The following C8orf34 variants were observed in gnomAD, a reference collection of about 807,000 sequenced individuals.
C8orf34 encodes the protein uncharacterized protein C8orf34.
A neutral mutation model predicts 68.3 loss-of-function variants in C8orf34; 65 were observed. The observed-to-expected ratio is 0.95, with a 90% CI of 0.78 to 1.17. C8orf34 has a LOEUF of 1.17. Ranked by LOEUF, C8orf34 falls within the 50% of genes most tolerant of loss-of-function variation. The pLI is 0.00. For synonymous variants in C8orf34, 244 were observed against 241.2 expected, an observed-to-expected ratio of 1.01 and a Z score of -0.11; for missense variants, 664 against 655.4, an observed-to-expected ratio of 1.01 and a Z score of -0.14.
At chr8:68,701,540 C>T (rs991995683) in intron 8 of C8orf34, among the ~76,000 whole-genome samples, 4 of 151,876 alleles carry the variant, frequency 2.6e-5, no homozygotes, top group South Asian at 2.1e-4. Flanking sequence ...CTTTCACCCC[C>T]GAAGTCTAAT....
intron 8 of C8orf34, among the ~76,000 whole-genome samples, chr8:68,653,758 T>C (rs1819431506): frequency 6.6e-6 from 1 of 152,048 alleles, no homozygotes; most frequent in Non-Finnish European, 1.5e-5. Context: ...CACCTCGAAA[T>C]AGCATCACAT....
At chr8:68,462,997 C>G (rs879718874) in intron 3 of C8orf34, among the ~76,000 whole-genome samples, 6 of 151,980 alleles carry the variant, frequency 3.9e-5, no homozygotes, top group African/African-American at 2.4e-5. Context: ...ATTAATGAAT[C>G]CAGGAGCTGG....
intron 7 of C8orf34, among the ~76,000 whole-genome samples, chr8:68,600,235 G>A (rs371359467): frequency 6.6e-5 from 10 of 152,164 alleles, no homozygotes; most frequent in African/African-American, 2.4e-4. Context: ...GTCAAGTGTA[G>A]AAATTGTACT....
At chr8:68,436,446 A>G (rs117321840) in intron 1 of C8orf34, among the ~76,000 whole-genome samples, 2,028 of 152,236 alleles carry the variant, frequency 0.013, 26 homozygotes, top group Non-Finnish European at 0.019. Context: ...TAACACCTAC[A>G]TTTTATCAAT....
chr8:68,653,584 T>C (rs1819426495), intron 8 of C8orf34, among the ~76,000 whole-genome samples: 1 of 152,188 alleles, frequency 6.6e-6, no homozygotes, highest in Non-Finnish European at 1.5e-5. Context: ...GGTGCCAGCA[T>C]GGCTCTGGTG....
intron 10 of C8orf34, among the ~76,000 whole-genome samples, chr8:68,764,760 T>A (rs189896556): frequency 3.1e-3 from 471 of 152,244 alleles, no homozygotes; most frequent in Non-Finnish European, 5.3e-3. Flanking sequence ...TGGAGATGAA[T>A]AGATAGTCGG....
At chr8:68,745,753 C>T (rs1563644374) in intron 10 of C8orf34, among the ~76,000 whole-genome samples, 1 of 152,074 alleles carries the variant, frequency 6.6e-6, no homozygotes, top group Non-Finnish European at 1.5e-5. Flanking sequence ...GAGTGACCTA[C>T]AAAGAGACTT....
intron 5 of C8orf34, among the ~76,000 whole-genome samples, chr8:68,513,252 T>G (rs2129633490): frequency 6.6e-6 from 1 of 152,370 alleles, no homozygotes; most frequent in African/African-American, 2.4e-5. Flanking sequence ...TCCAAGCACT[T>G]GTCTTTCTTT....
rs76688835 is a variant in C8orf34 at position 68,758,799 on chromosome 8, G to C, written c.1405-17600G>C. ...TTATAGGCATATCCATTTAAATAGT[G>C]TATTATATCTAATAAGTAGACTTCC... On this transcript the variant is annotated intron_variant, in intron 10 of 13. Transcript: ENST00000518698. Among the ~76,000 whole-genome samples, 285 of 151,744 alleles carry C rather than the reference G, an allele frequency of 1.9e-3. 5 individuals carry two copies. The highest frequency in any genetic ancestry group is 6.7e-3 in the African/African-American group (278 of 41,436).
intron 12 of C8orf34, among the ~76,000 whole-genome samples, chr8:68,788,568 A>G (rs1054500052): frequency 5.3e-5 from 8 of 152,278 alleles, no homozygotes; most frequent in African/African-American, 1.7e-4. Flanking sequence ...TTCTATAGAA[A>G]ACAACTGATA....
At chr8:68,369,480 C>T (rs147378589) in intron 1 of C8orf34, among the ~76,000 whole-genome samples, 1 of 152,208 alleles carries the variant, frequency 6.6e-6, no homozygotes, top group East Asian at 1.9e-4. Context: ...AGTCACTGGT[C>T]GTAATCAATT....
At chr8:68,768,377 G>A (rs1334012167) in intron 10 of C8orf34, among the ~76,000 whole-genome samples, 1 of 152,172 alleles carries the variant, frequency 6.6e-6, no homozygotes, top group Non-Finnish European at 1.5e-5. Context: ...TTCAAGACAA[G>A]TCTGGTCCCC....
intron 12 of C8orf34, among the ~76,000 whole-genome samples, chr8:68,787,913 C>T (rs1823889558): frequency 6.6e-6 from 1 of 152,120 alleles, no homozygotes; most frequent in Admixed American, 6.6e-5. Context: ...AAATTATACT[C>T]ATTAGTTAAA....
At chr8:68,672,476 AT>A (rs1820044933) in intron 8 of C8orf34, among the ~76,000 whole-genome samples, 1 of 152,052 alleles carries the variant, frequency 6.6e-6, no homozygotes, top group South Asian at 2.1e-4. Flanking sequence ...AACTCAAGAG[AT>A]TTTGGGACTT....
chr8:68,805,447 C>A (rs1241541529), intron 12 of C8orf34, among the ~76,000 whole-genome samples: 1 of 152,158 alleles, frequency 6.6e-6, no homozygotes, highest in African/African-American at 2.4e-5. Flanking sequence ...TGTGTCAACA[C>A]CTCCTGCTAT....
At chr8:68,750,437 C>G (rs1180696478) in intron 10 of C8orf34, among the ~76,000 whole-genome samples, 1 of 151,936 alleles carries the variant, frequency 6.6e-6, no homozygotes, top group African/African-American at 2.4e-5. Context: ...TTAGGGTTTT[C>G]TAGGGGCCAG....
intron 1 of C8orf34, among the ~76,000 whole-genome samples, chr8:68,417,385 A>C (rs1030013496): frequency 6.6e-6 from 1 of 152,086 alleles, no homozygotes; most frequent in Non-Finnish European, 1.5e-5. Context: ...ACTGATAGAC[A>C]CTAATTTTAG....
At chr8:68,628,843 G>A (rs1304540092) in intron 7 of C8orf34, among the ~76,000 whole-genome samples, 1 of 152,064 alleles carries the variant, frequency 6.6e-6, no homozygotes, top group Non-Finnish European at 1.5e-5. Context: ...TTTCATCTAG[G>A]CAGCTGTTAT....
At chr8:68,587,080 G>C (rs1340206271) in intron 7 of C8orf34, among the ~76,000 whole-genome samples, 2 of 152,046 alleles carry the variant, frequency 1.3e-5, no homozygotes, top group African/African-American at 4.8e-5. Flanking sequence ...TTGATGACAG[G>C]AAAGCTTAGT....
Sources: gnomAD v4.1 joint callset for allele counts (sites outside exome capture counted in the v4.1 genomes callset) on GRCh38, gnomAD v4.1.1 for gene constraint, MANE v1.5 for transcripts, NCBI Gene and HGNC (gene_info 2026-07-23, HGNC 2026-07-21) for gene names.